Variants in FAM227A observed in about 807,000 individuals in gnomAD.
FAM227A encodes protein FAM227A.
A neutral mutation model predicts 74.7 loss-of-function variants in FAM227A; 80 were observed. The ratio of observed to expected loss-of-function variants is 1.07; its 90% CI spans 0.89 to 1.29. The LOEUF is 1.29. Ranked by LOEUF, FAM227A falls within the 50% of genes most tolerant of loss-of-function variation. The pLI, the probability that FAM227A is intolerant of heterozygous loss-of-function variation, is 0.00. For synonymous variants in FAM227A, 237 were observed against 241.8 expected (o/e 0.98, Z 0.19); for missense variants, 654 against 683.4 (o/e 0.96, Z 0.48).
chr22:38,582,651 A>C lies in FAM227A; in HGVS notation c.*3474T>G, dbSNP rs1487630857. The C allele has an allele frequency of 7.9e-6, 6 of 754,718 alleles. No homozygotes were observed. In the East Asian group the frequency reaches 1.6e-4, roughly 20 times the overall value. The allele number at this position is 754,718 out of a possible 1,614,324, so 46.8% of individuals were successfully genotyped here. On this transcript the variant is annotated 3_prime_UTR_variant, in exon 17 of 17. Transcript: ENST00000535113. ...ATTTCTGGAAAGGGTCCATGCAGGGATGATCTTGGACTGTGCAACAAATGG... is the reference window on the plus strand; with the variant it reads ...ATTTCTGGAAAGGGTCCATGCAGGGCTGATCTTGGACTGTGCAACAAATGG...
rs778277326 is a variant in FAM227A at position 38,591,444 on chromosome 22, C to A, written c.1629G>T (p.Lys543Asn). 1 of 1,551,160 alleles carries A rather than the reference C, an allele frequency of 6.4e-7. No homozygotes were observed. The highest frequency in any genetic ancestry group is 8.7e-7 in the Non-Finnish European group (1 of 1,146,694). Reference sequence around the variant, plus strand: ...CTCTTTGGAGACTTCCCTTAGTTTTCTTGTCAGGTGATTCCTCATTGACGG... The same window carrying A: ...CTCTTTGGAGACTTCCCTTAGTTTTATTGTCAGGTGATTCCTCATTGACGG... ...PSAVNEESPD[K>N]KTKEGKGGEG... is the part of the protein sequence containing the mutation. Residue 543 changes from lysine to asparagine, a missense_variant, in exon 16 of 17, where the codon AAG becomes AAT. By Grantham distance (94) the Lys-to-Asn change is moderately conservative. Coordinates refer to ENST00000535113, the MANE Select transcript of FAM227A (RefSeq NM_001013647.2).
At chr22:38,640,159 G>A (rs1026498768) in intron 3 of FAM227A, among the ~76,000 whole-genome samples, 10 of 151,586 alleles carry the variant, frequency 6.6e-5, no homozygotes, top group Non-Finnish European at 1.5e-4. Context: ...TCAGCCTCCC[G>A]AGTAGCTGGG....
At chr22:38,600,920 C>A (rs776175126) in intron 13 of FAM227A, among the ~76,000 whole-genome samples, 1 of 150,896 alleles carries the variant, frequency 6.6e-6, no homozygotes, top group Non-Finnish European at 1.5e-5. Context: ...CCATTGCGCT[C>A]CAGCCTGGCG....
chr22:38,613,176 AT>A (rs2091469762), intron 11 of FAM227A, among the ~76,000 whole-genome samples: 1 of 81,878 alleles, frequency 1.2e-5, no homozygotes, highest in South Asian at 3.1e-4. Context: ...CTGTATATAT[AT>A]TATATATAAT....
At chr22:38,586,402 C>T (rs992097590) in intron 16 of FAM227A, among the ~76,000 whole-genome samples, 2 of 152,130 alleles carry the variant, frequency 1.3e-5, no homozygotes, top group Non-Finnish European at 2.9e-5. Flanking sequence ...CTCCATCCTT[C>T]ATCTTTCACC....
rs1052267944 is a variant in FAM227A, at chr22:38,585,821, C to T, written c.*304G>A. The T allele has an allele frequency of 2.0e-5, 11 of 538,274 alleles. No individual in the cohort carries two copies. The highest frequency in any genetic ancestry group is 6.6e-5 in the Admixed American group (2 of 30,400). 33.3% of individuals were successfully genotyped at this position (538,274 alleles called of 1,614,324 possible). Reference sequence around the variant, plus strand: ...TGCAGTGGATAATCCCTACTTCATACGGCTGGTATGAAAGTTTTACCTTTG... The same window carrying T: ...TGCAGTGGATAATCCCTACTTCATATGGCTGGTATGAAAGTTTTACCTTTG... On this transcript the variant is annotated 3_prime_UTR_variant, in exon 17 of 17. Coordinates refer to ENST00000535113, the MANE Select transcript of FAM227A (RefSeq NM_001013647.2).
intron 8 of FAM227A, among the ~76,000 whole-genome samples, chr22:38,626,912 A>G (rs1443524028): frequency 8.0e-6 from 1 of 125,022 alleles, no homozygotes; most frequent in Admixed American, 8.3e-5. Context: ...ATATATATAT[A>G]TACACGTATA....
rs1183483166 is a variant in FAM227A at position 38,580,877 on chromosome 22, C to G, written c.*5248G>C. 6.6e-6 allele frequency: 1 copy of G among 152,226 alleles called. No homozygotes were observed. The highest frequency in any genetic ancestry group is 1.5e-5 in the Non-Finnish European group (1 of 68,076). The allele number at this position is 152,226 out of a possible 1,614,324, so 9.4% of individuals were successfully genotyped here. On this transcript the variant is annotated 3_prime_UTR_variant, in exon 17 of 17. Transcript: ENST00000535113. Reference sequence around the variant, plus strand: ...CACTGTAACCTCCGCCTCCCAAGTTCAAGTGATTCTTGTGTCTCGGCCTCC... The same window carrying G: ...CACTGTAACCTCCGCCTCCCAAGTTGAAGTGATTCTTGTGTCTCGGCCTCC...
chr22:38,643,160 C>G (rs1248904582), intron 3 of FAM227A, among the ~76,000 whole-genome samples: 1 of 151,256 alleles, frequency 6.6e-6, no homozygotes, highest in Non-Finnish European at 1.5e-5. Context: ...ACTAAAAATA[C>G]AAAAAATGAG....
At chr22:38,646,257 T>TTTTTTTC (rs2092235699) in intron 2 of FAM227A, among the ~76,000 whole-genome samples, 1 of 56,436 alleles carries the variant, frequency 1.8e-5, no homozygotes, top group Non-Finnish European at 3.4e-5. Flanking sequence ...TCTTTTTTTT[T>TTTTTTTC]TTTTTTTTTT....
intron 9 of FAM227A, 138 bp downstream of exon 9, chr22:38,626,042 G>A (rs2091792367): frequency 2.5e-6 from 2 of 815,456 alleles, no homozygotes; most frequent in Admixed American, 3.0e-5. Context: ...CACATACTTT[G>A]CTCTCTTTAA....
chr22:38,588,605 T>TGA (rs2090859750), intron 16 of FAM227A, among the ~76,000 whole-genome samples: 1 of 74,264 alleles, frequency 1.3e-5, no homozygotes, highest in Non-Finnish European at 2.5e-5. Context: ...GGTAACAGAG[T>TGA]GACTCTGTCT....
chr22:38,608,366 A>T (rs1291791451), intron 11 of FAM227A, among the ~76,000 whole-genome samples: 1 of 151,952 alleles, frequency 6.6e-6, no homozygotes, highest in East Asian at 1.9e-4. Flanking sequence ...CCCACATAAA[A>T]GTCTGAAGGC....
chr22:38,643,732 A>G (rs567530041), intron 3 of FAM227A, among the ~76,000 whole-genome samples: 1 of 152,300 alleles, frequency 6.6e-6, no homozygotes, highest in South Asian at 2.1e-4. Context: ...GTAATTGCCA[A>G]AACTTGGAGG....
chr22:38,649,000 T>G (rs1240719873), intron 2 of FAM227A, among the ~76,000 whole-genome samples: 2 of 151,448 alleles, frequency 1.3e-5, no homozygotes, highest in Non-Finnish European at 2.9e-5. Flanking sequence ...AAGCTGGGTT[T>G]CATGCTCATC....
chr22:38,634,317 C>T (rs2091965041), intron 6 of FAM227A, among the ~76,000 whole-genome samples: 1 of 151,468 alleles, frequency 6.6e-6, no homozygotes. Flanking sequence ...AACATACACT[C>T]TTTATAAACA....
chr22:38,629,697 AC>A (rs1300869652), intron 6 of FAM227A, among the ~76,000 whole-genome samples: 2 of 120,754 alleles, frequency 1.7e-5, no homozygotes, highest in East Asian at 2.7e-4. Flanking sequence ...CCTCTTCTTT[AC>A]CATCACTCAC....
At chr22:38,586,975 G>T (rs986595211) in intron 16 of FAM227A, among the ~76,000 whole-genome samples, 1 of 152,024 alleles carries the variant, frequency 6.6e-6, no homozygotes, top group Non-Finnish European at 1.5e-5. Flanking sequence ...ACTGTGCCTG[G>T]CCTACACTTC....
intron 6 of FAM227A, among the ~76,000 whole-genome samples, chr22:38,635,815 C>T (rs553077949): frequency 1.3e-5 from 2 of 152,016 alleles, no homozygotes; most frequent in Non-Finnish European, 2.9e-5. Flanking sequence ...GCCTGGGCAA[C>T]CTAGCAAGAC....
Sources: gnomAD v4.1 joint callset for allele counts (sites outside exome capture counted in the v4.1 genomes callset) on GRCh38, gnomAD v4.1.1 for gene constraint, MANE v1.5 for transcripts, NCBI Gene and HGNC (gene_info 2026-07-23, HGNC 2026-07-21) for gene names.